The following CDIN1 variants were observed in gnomAD, a reference collection of about 807,000 sequenced individuals.
CDIN1 encodes the protein CDAN1-interacting nuclease 1.
A neutral mutation model predicts 45.3 loss-of-function variants in CDIN1; 33 were observed. The observed-to-expected ratio is 0.73, with a 90% CI of 0.55 to 0.97. The LOEUF (loss-of-function observed/expected upper bound fraction) is 0.97. CDIN1 is among the 50% of genes least tolerant of loss of function. CDIN1 has a pLI of 0.00. For missense variants in CDIN1, 303 were observed against 339.4 expected, an observed-to-expected ratio of 0.89 and a Z score of 0.84; for synonymous variants, 118 against 124.4, an observed-to-expected ratio of 0.95 and a Z score of 0.34.
At chr15:36,778,620 G>A (rs7170442) in intron 10 of CDIN1, among the ~76,000 whole-genome samples, 27,865 of 152,094 alleles carry the variant, frequency 0.18, 4,762 homozygotes, top group African/African-American at 0.46. Context: ...GGCATATAGT[G>A]CACATCTCTC....
At chr15:36,764,745 A>C (rs1055848243) in intron 10 of CDIN1, among the ~76,000 whole-genome samples, 4 of 152,212 alleles carry the variant, frequency 2.6e-5, no homozygotes, top group African/African-American at 9.6e-5. Context: ...TAAAAACTCC[A>C]GCTCCCCTTG....
chr15:36,682,599 CAA>C (rs35789630), intron 5 of CDIN1, among the ~76,000 whole-genome samples: 1 of 116,906 alleles, frequency 8.6e-6, no homozygotes. Context: ...CCTGTCTCTA[CAA>C]AAAAAAAAAA....
chr15:36,620,720 G>T (rs1352731382), intron 1 of CDIN1, among the ~76,000 whole-genome samples: 2 of 152,168 alleles, frequency 1.3e-5, no homozygotes, highest in South Asian at 2.1e-4. Context: ...TGCTGTCAGT[G>T]TTAAAGATGA....
chr15:36,721,919 G>A (rs2043433562), intron 10 of CDIN1, among the ~76,000 whole-genome samples: 1 of 151,772 alleles, frequency 6.6e-6, no homozygotes, highest in Admixed American at 6.6e-5. Context: ...ACTTCACCTG[G>A]GCTCGCCATT....
chr15:36,670,989 G>A (rs540717455), intron 5 of CDIN1, among the ~76,000 whole-genome samples: 72 of 152,088 alleles, frequency 4.7e-4, no homozygotes, highest in Non-Finnish European at 7.9e-4. Context: ...TAACTTGAGC[G>A]AAAACTTATT....
chr15:36,732,046 A>G (rs1348723157), intron 10 of CDIN1, among the ~76,000 whole-genome samples: 2 of 152,120 alleles, frequency 1.3e-5, no homozygotes, highest in East Asian at 3.8e-4. Flanking sequence ...ACAGTTTTAG[A>G]CTCCTTAATG....
At chr15:36,627,549 T>A in intron 1 of CDIN1, 1 of 153,748 alleles carries the variant, frequency 6.5e-6, no homozygotes, top group South Asian at 1.9e-4. Flanking sequence ...GTCTCCTTGC[T>A]GCGGTGCACC....
At position 36,610,686 on chromosome 15, in the gene CDIN1, GC is replaced by G. The variant is rs201589015; in HGVS notation, c.101+30728del. ...TTTGCCTAAACAAAGGTGGATACCT[GC>G]CCTCTGCAAAGGCTACTGCCTTAAG... On this transcript the variant is annotated intron_variant, in intron 1 of 10. Coordinates refer to ENST00000566621, the MANE Select transcript of CDIN1 (RefSeq NM_001321759.2). 3.9e-5 allele frequency among the ~76,000 whole-genome samples: 6 copies of G among 152,328 alleles called. No homozygotes were observed. In the East Asian group the frequency reaches 1.2e-3, roughly 29 times the overall value.
In CDIN1 at chr15:36,681,596, C is replaced by G. The variant is rs190303368; in HGVS notation, c.347-10089C>G. On this transcript the variant is annotated intron_variant, in intron 5 of 10. Coordinates refer to ENST00000566621, the MANE Select transcript of CDIN1 (RefSeq NM_001321759.2). ...GCAGACGAAATACAAATAGCCACAT[C>G]TAGGCACACAGTGATGAAACCATTG... is the stretch of plus-strand genomic sequence containing the variant. Among the ~76,000 whole-genome samples the G allele has an allele frequency of 5.3e-5, 8 of 152,174 alleles. No individual in the cohort carries two copies. The East Asian group carries it at 1.5e-3, about 29-fold the overall frequency.
At chr15:36,660,122 A>G (rs903160952) in intron 5 of CDIN1, among the ~76,000 whole-genome samples, 1 of 152,006 alleles carries the variant, frequency 6.6e-6, no homozygotes, top group Non-Finnish European at 1.5e-5. Context: ...CTGTGTGTAT[A>G]TTAGAGTTTT....
chr15:36,667,276 G>A (rs1347238847), intron 5 of CDIN1, among the ~76,000 whole-genome samples: 3 of 152,160 alleles, frequency 2.0e-5, no homozygotes, highest in Non-Finnish European at 4.4e-5. Flanking sequence ...ACACTTTTAA[G>A]TGCTTGTGTA....
At chr15:36,670,926 G>A (rs1423756624) in intron 5 of CDIN1, among the ~76,000 whole-genome samples, 2 of 151,988 alleles carry the variant, frequency 1.3e-5, no homozygotes, top group African/African-American at 4.8e-5. Flanking sequence ...CTAAATAAGA[G>A]AGAAAAGAGT....
At chr15:36,800,925 A>G (rs1415418622) in intron 10 of CDIN1, among the ~76,000 whole-genome samples, 18 of 102,744 alleles carry the variant, frequency 1.8e-4, no homozygotes, top group South Asian at 1.3e-3. Flanking sequence ...ATATATATAT[A>G]TATATATATA....
chr15:36,614,223 G>A (rs559642144), intron 1 of CDIN1: 127 of 629,958 alleles, frequency 2.0e-4, no homozygotes, highest in Non-Finnish European at 3.4e-4. Context: ...CCACCCTGCT[G>A]CTGCTCCTCC....
At chr15:36,717,632 G>T (rs1178295027) in intron 10 of CDIN1, among the ~76,000 whole-genome samples, 4 of 151,938 alleles carry the variant, frequency 2.6e-5, no homozygotes, top group Non-Finnish European at 5.9e-5. Context: ...GAACAGTTTT[G>T]TAAAATATTA....
chr15:36,594,070 C>G (rs1720746095), intron 1 of CDIN1, among the ~76,000 whole-genome samples: 1 of 152,098 alleles, frequency 6.6e-6, no homozygotes, highest in African/African-American at 2.4e-5. Context: ...TTTTGCAGTT[C>G]TGCTAATCAC....
At chr15:36,608,334 TTG>T (rs1404178876) in intron 1 of CDIN1, among the ~76,000 whole-genome samples, 2 of 152,208 alleles carry the variant, frequency 1.3e-5, no homozygotes, top group African/African-American at 4.8e-5. Flanking sequence ...TCAATAACAC[TTG>T]TGTATTGTGT....
At chr15:36,645,820 G>T (rs182589642) in intron 3 of CDIN1, among the ~76,000 whole-genome samples, 41 of 152,048 alleles carry the variant, frequency 2.7e-4, no homozygotes, top group African/African-American at 7.0e-4. Context: ...AGTGTATAAC[G>T]GTCACATTTT....
At chr15:36,702,243 G>A (rs1263501829) in intron 8 of CDIN1, 1 of 652,884 alleles carries the variant, frequency 1.5e-6, no homozygotes, top group Non-Finnish European at 2.8e-6. Flanking sequence ...ACATGAAATT[G>A]AGGGTGGGAG....
Sources: allele counts gnomAD v4.1 joint callset (sites outside exome capture counted in the v4.1 genomes callset), GRCh38; gene constraint gnomAD v4.1.1; transcripts MANE v1.5; gene names NCBI Gene and HGNC (gene_info 2026-07-23, HGNC 2026-07-21).